KCNIP4: variants seen among roughly 807,000 people sequenced by gnomAD.
KCNIP4 encodes the protein potassium voltage-gated channel interacting protein 4.
KCNIP4 carries 12 observed loss-of-function variants against 34.0 expected under a neutral mutation model. That is an observed-to-expected ratio of 0.35 (90% CI 0.23 to 0.57). KCNIP4 has a LOEUF of 0.57. Ranked by LOEUF, KCNIP4 falls within the 20% of genes least tolerant of loss-of-function variation. The probability of loss-of-function intolerance (pLI) is 0.83; values close to 1 mark genes in which losing one functional copy is unlikely to be tolerated. For synonymous variants in KCNIP4, 124 were observed against 102.2 expected (o/e 1.21, Z -1.29); for missense variants, 238 against 311.7 (o/e 0.76, Z 1.78).
chr4:21,073,021 A>G (rs1309673856), intron 1 of KCNIP4, among the ~76,000 whole-genome samples: 1 of 152,196 alleles, frequency 6.6e-6, no homozygotes. Context: ...GTTTTGGTAC[A>G]AGTGCCATGC....
At chr4:21,932,373 C>T (rs6831938) in intron 1 of KCNIP4, among the ~76,000 whole-genome samples, 55,274 of 151,816 alleles carry the variant, frequency 0.36, 10,474 homozygotes, top group African/African-American at 0.46. Flanking sequence ...GGCCTGAAGC[C>T]TTGAGGAAGG....
At chr4:21,273,151 CAT>C (rs1560239876) in intron 1 of KCNIP4, among the ~76,000 whole-genome samples, 1 of 152,116 alleles carries the variant, frequency 6.6e-6, no homozygotes, top group Non-Finnish European at 1.5e-5. Context: ...ATTGAATAAA[CAT>C]ATCCTTATCA....
chr4:21,843,534 A>G (rs1288825673), intron 1 of KCNIP4: 1 of 151,994 alleles, frequency 6.6e-6, no homozygotes, highest in Non-Finnish European at 1.5e-5. Flanking sequence ...TAAGACCCTC[A>G]TTCTAGAGTG....
chr4:21,454,311 C>A (rs1402783901), intron 1 of KCNIP4, among the ~76,000 whole-genome samples: 1 of 152,048 alleles, frequency 6.6e-6, no homozygotes, highest in Non-Finnish European at 1.5e-5. Flanking sequence ...TATTCCAGAC[C>A]TAGTAAATCA....
chr4:21,792,100 G>A (rs2109235515), intron 1 of KCNIP4, among the ~76,000 whole-genome samples: 1 of 149,336 alleles, frequency 6.7e-6, no homozygotes, highest in East Asian at 2.0e-4. Flanking sequence ...TGATTTTCGT[G>A]GTGGGAAGGG....
At chr4:21,137,274 T>C (rs1343846060) in intron 1 of KCNIP4, among the ~76,000 whole-genome samples, 2 of 152,100 alleles carry the variant, frequency 1.3e-5, no homozygotes, top group Non-Finnish European at 2.9e-5. Context: ...AAGCAACCCT[T>C]TCAATCAAAA....
chr4:21,817,693 T>A (rs781150574), intron 1 of KCNIP4, among the ~76,000 whole-genome samples: 76 of 152,142 alleles, frequency 5.0e-4, no homozygotes, highest in Admixed American at 1.8e-3. Flanking sequence ...CTTATGCAGT[T>A]GAGATAAGGA....
At chr4:20,779,397 G>T (rs907006317) in intron 3 of KCNIP4, among the ~76,000 whole-genome samples, 1 of 152,038 alleles carries the variant, frequency 6.6e-6, no homozygotes, top group African/African-American at 2.4e-5. Context: ...CTCATATCTG[G>T]ATTTTTGTTT....
At chr4:21,303,569 T>C (rs554504439) in intron 1 of KCNIP4, among the ~76,000 whole-genome samples, 8 of 152,326 alleles carry the variant, frequency 5.3e-5, no homozygotes, top group African/African-American at 1.7e-4. Context: ...GTTTTTGTTC[T>C]GACATTTTTG....
intron 1 of KCNIP4, among the ~76,000 whole-genome samples, chr4:21,753,815 T>C: frequency 6.6e-6 from 1 of 152,168 alleles, no homozygotes; most frequent in Non-Finnish European, 1.5e-5. Context: ...CCAAAAGCCA[T>C]CTAGGTCTAG....
In KCNIP4 at chr4:21,404,735, A is replaced by T. The variant is rs190031380; in HGVS notation, c.62-522026T>A. ...ATAAACCAACCAATAAGTAAATTGTATACATTATTTTAGTGAGAAAAAAAT... is the reference window on the plus strand; with the variant it reads ...ATAAACCAACCAATAAGTAAATTGTTTACATTATTTTAGTGAGAAAAAAAT... On this transcript the variant is annotated intron_variant, in intron 1 of 8. Transcript: ENST00000382152. Among the ~76,000 whole-genome samples, 413 of 152,164 alleles carry T rather than the reference A, an allele frequency of 2.7e-3. 2 individuals carry two copies. The highest frequency in any genetic ancestry group is 5.1e-3 in the Admixed American group (77 of 15,224).
intron 1 of KCNIP4, among the ~76,000 whole-genome samples, chr4:21,832,912 AC>A (rs1723085627): frequency 6.6e-6 from 1 of 151,024 alleles, no homozygotes; most frequent in African/African-American, 2.5e-5. Flanking sequence ...CCTACAAAGG[AC>A]ATGAACTCAT....
At chr4:21,532,994 G>A (rs1408911715) in intron 1 of KCNIP4, among the ~76,000 whole-genome samples, 1 of 138,774 alleles carries the variant, frequency 7.2e-6, no homozygotes, top group African/African-American at 2.8e-5. Context: ...ATGTGTGAGT[G>A]TGTATATATA....
chr4:21,206,941 G>T (rs1756890286), intron 1 of KCNIP4, among the ~76,000 whole-genome samples: 1 of 152,144 alleles, frequency 6.6e-6, no homozygotes, highest in Admixed American at 6.5e-5. Context: ...GTTTATGAGT[G>T]TACTCATTGT....
At chr4:21,313,343 G>C (rs1195545743) in intron 1 of KCNIP4, among the ~76,000 whole-genome samples, 1 of 152,084 alleles carries the variant, frequency 6.6e-6, no homozygotes, top group Non-Finnish European at 1.5e-5. Context: ...CACTGTAATA[G>C]AGTATAAATA....
At chr4:21,601,181 C>T (rs186670808) in intron 1 of KCNIP4, among the ~76,000 whole-genome samples, 36 of 152,048 alleles carry the variant, frequency 2.4e-4, no homozygotes, top group African/African-American at 8.2e-4. Flanking sequence ...CTTCACATTG[C>T]TGCAGTCCAA....
chr4:20,951,697 G>A (rs1028232783), intron 1 of KCNIP4, among the ~76,000 whole-genome samples: 1 of 152,170 alleles, frequency 6.6e-6, no homozygotes, highest in African/African-American at 2.4e-5. Context: ...AAGTGTTTGA[G>A]TGTTGGATCT....
intron 1 of KCNIP4, among the ~76,000 whole-genome samples, chr4:21,918,849 G>A (rs189358832): frequency 3.9e-4 from 59 of 152,240 alleles, no homozygotes; most frequent in African/African-American, 1.4e-3. Context: ...GTTTTGCCAA[G>A]GAAACCCAAA....
At chr4:21,557,786 T>C (rs1257105121) in intron 1 of KCNIP4, among the ~76,000 whole-genome samples, 2 of 152,136 alleles carry the variant, frequency 1.3e-5, no homozygotes, top group Admixed American at 6.5e-5. Flanking sequence ...TTTAAATTGA[T>C]ACACATAGGC....
Sources: gnomAD v4.1 joint callset for allele counts (sites outside exome capture counted in the v4.1 genomes callset) on GRCh38, gnomAD v4.1.1 for gene constraint, MANE v1.5 for transcripts, NCBI Gene and HGNC (gene_info 2026-07-23, HGNC 2026-07-21) for gene names.